The following NEK7 variants were observed in gnomAD, a reference collection of about 807,000 sequenced individuals.
NEK7 encodes the protein serine/threonine-protein kinase Nek7.
A neutral mutation model predicts 44.6 loss-of-function variants in NEK7; 18 were observed. The observed-to-expected ratio is 0.40, with a 90% CI of 0.28 to 0.60. The LOEUF (loss-of-function observed/expected upper bound fraction) is 0.60, where lower values mean the gene tolerates loss of function less well. Among genes scored for constraint, NEK7 ranks in the 20% least tolerant of loss-of-function variants. The pLI is 0.38. For missense variants in NEK7, 256 were observed against 366.5 expected (o/e 0.70, Z 2.46); for synonymous variants, 130 against 121.1 (o/e 1.07, Z -0.48).
chr1:198,194,925 T>G (rs1665189090), intron 1 of NEK7, among the ~76,000 whole-genome samples: 1 of 152,200 alleles, frequency 6.6e-6, no homozygotes, highest in East Asian at 1.9e-4. Context: ...GATTTACACT[T>G]CCACCGACAG....
At chr1:198,225,668 C>A (rs1481440705) in intron 1 of NEK7, among the ~76,000 whole-genome samples, 1 of 152,130 alleles carries the variant, frequency 6.6e-6, no homozygotes, top group African/African-American at 2.4e-5. Context: ...CCCCACCCAC[C>A]GTCTCCCACA....
At chr1:198,157,524 A>T (rs992570218) in intron 1 of NEK7, among the ~76,000 whole-genome samples, 2 of 152,164 alleles carry the variant, frequency 1.3e-5, no homozygotes, top group Non-Finnish European at 2.9e-5. Flanking sequence ...TAGAGGCCCG[A>T]GGCCGCCAAG....
At chr1:198,265,906 A>G (rs1367528171) in intron 5 of NEK7, among the ~76,000 whole-genome samples, 1 of 152,122 alleles carries the variant, frequency 6.6e-6, no homozygotes, top group Non-Finnish European at 1.5e-5. Context: ...TAAACATACT[A>G]TATATTATGT....
At position 198,317,881 on chromosome 1, in the gene NEK7, T is replaced by A. The variant is rs796324598; in HGVS notation, c.799-1531T>A. 1.9e-3 allele frequency among the ~76,000 whole-genome samples: 195 copies of A among 101,578 alleles called. No homozygotes were observed. The Middle Eastern group carries it at 0.029, about 15-fold the overall frequency. 66.6% of individuals were successfully genotyped at this position (101,578 alleles called of 152,430 possible). ...TGTGTATTACTGGATATATTTATTT[T>A]TTTTTTTTTTTTTTTTTTTGGTAAC... On this transcript the variant is annotated intron_variant, in intron 9 of 9. Transcript: ENST00000367385.
rs184034491 is a variant in NEK7 at position 198,283,692 on chromosome 1, A to G, written c.589+4631A>G. ...TATGTTAAGAAACTTATCTATATCT[A>G]CATCTTTAAAATTTATGATGAGGGC... On this transcript the variant is annotated intron_variant, in intron 7 of 9. Transcript: ENST00000367385. 6.9e-3 allele frequency among the ~76,000 whole-genome samples: 1,049 copies of G among 152,250 alleles called. 10 individuals are homozygous for G. Among genetic ancestry groups the G allele is most frequent in the African/African-American group, 0.02 (814 of 41,548 alleles).
intron 8 of NEK7, among the ~76,000 whole-genome samples, chr1:198,295,606 C>T (rs530731474): frequency 1.4e-4 from 21 of 151,112 alleles, no homozygotes; most frequent in Admixed American, 5.3e-4. Context: ...TGTTTAACTC[C>T]TTAGGGGACA....
intron 1 of NEK7, among the ~76,000 whole-genome samples, chr1:198,204,376 C>CT: frequency 6.6e-6 from 1 of 152,210 alleles, no homozygotes; most frequent in East Asian, 1.9e-4. Flanking sequence ...TGCTTGATTT[C>CT]TTTTTGTTTT....
intron 9 of NEK7, among the ~76,000 whole-genome samples, chr1:198,299,355 T>G (rs1654810975): frequency 6.6e-6 from 1 of 152,204 alleles, no homozygotes. Context: ...GAACTCAATT[T>G]GTAAAATAAT....
intron 9 of NEK7, among the ~76,000 whole-genome samples, chr1:198,311,292 TC>T (rs1655173633): frequency 9.5e-6 from 1 of 105,270 alleles, no homozygotes; most frequent in Admixed American, 1.1e-4. Flanking sequence ...TGATTTTGTA[TC>T]CTGAGACTTT....
At chr1:198,167,224 C>G (rs891024333) in intron 1 of NEK7, among the ~76,000 whole-genome samples, 1 of 152,190 alleles carries the variant, frequency 6.6e-6, no homozygotes, top group Non-Finnish European at 1.5e-5. Flanking sequence ...TCGCTTGTGT[C>G]TCTTCTCATA....
intron 2 of NEK7, among the ~76,000 whole-genome samples, chr1:198,241,159 G>A (rs188685890): frequency 1.3e-5 from 2 of 152,286 alleles, no homozygotes; most frequent in East Asian, 3.9e-4. Flanking sequence ...TAATCTGTTT[G>A]TTAGAGGTCA....
intron 1 of NEK7, among the ~76,000 whole-genome samples, chr1:198,217,824 G>A (rs374082231): frequency 5.9e-5 from 8 of 134,768 alleles, no homozygotes; most frequent in Admixed American, 2.4e-4. Flanking sequence ...AACACAATCC[G>A]TTTTTACAAT....
chr1:198,211,676 G>T (rs1201102398), intron 1 of NEK7, among the ~76,000 whole-genome samples: 1 of 152,074 alleles, frequency 6.6e-6, no homozygotes, highest in Non-Finnish European at 1.5e-5. Flanking sequence ...CTATTTTCTG[G>T]TGTTAATAAT....
At chr1:198,211,795 C>G (rs1350895423) in intron 1 of NEK7, among the ~76,000 whole-genome samples, 1 of 152,070 alleles carries the variant, frequency 6.6e-6, no homozygotes, top group African/African-American at 2.4e-5. Context: ...TGTAAAGGTT[C>G]ATGCTGTGAA....
chr1:198,226,989 G>C (rs1041302228), intron 1 of NEK7, among the ~76,000 whole-genome samples: 1 of 151,994 alleles, frequency 6.6e-6, no homozygotes, highest in African/African-American at 2.4e-5. Flanking sequence ...TTTAACATTA[G>C]GTATATCTCC....
In NEK7 at chr1:198,214,589, C is replaced by T. The variant is rs1558059775; in HGVS notation, c.-28-17964C>T. ...TCAAGTAGAGGAAAGAATTACAGAG[C>T]TTGAAGCAAGGCTTTCAAATTAACC... On this transcript the variant is annotated intron_variant, in intron 1 of 9. Coordinates refer to ENST00000367385, the MANE Select transcript of NEK7 (RefSeq NM_133494.3). Among the ~76,000 whole-genome samples, 4 of 152,104 alleles carry T rather than the reference C, an allele frequency of 2.6e-5. No individual in the cohort carries two copies. The South Asian group carries it at 8.3e-4, about 31-fold the overall frequency.
At chr1:198,316,652 T>C (rs979396284) in intron 9 of NEK7, among the ~76,000 whole-genome samples, 2 of 152,240 alleles carry the variant, frequency 1.3e-5, no homozygotes, top group Non-Finnish European at 2.9e-5. Flanking sequence ...TTCTTTGTTC[T>C]GTCTATCTTC....
chr1:198,242,258 G>A (rs1666704593), intron 2 of NEK7, among the ~76,000 whole-genome samples: 1 of 151,982 alleles, frequency 6.6e-6, no homozygotes, highest in Admixed American at 6.6e-5. Flanking sequence ...TCTCCATGCA[G>A]CATCATGAGT....
intron 2 of NEK7, among the ~76,000 whole-genome samples, chr1:198,244,756 G>A (rs886152700): frequency 5.3e-5 from 8 of 151,346 alleles, no homozygotes; most frequent in Admixed American, 4.0e-4. Context: ...TAGTTCTTTC[G>A]AATACATTCA....
Sources: gnomAD v4.1 joint callset for allele counts (sites outside exome capture counted in the v4.1 genomes callset) on GRCh38, gnomAD v4.1.1 for gene constraint, MANE v1.5 for transcripts, NCBI Gene and HGNC (gene_info 2026-07-23, HGNC 2026-07-21) for gene names.